The following ZNF385D variants were observed in gnomAD, a reference collection of about 807,000 sequenced individuals.
ZNF385D encodes zinc finger protein 659.
Under a neutral mutation model 35.8 loss-of-function variants are expected in ZNF385D, and 15 were observed. That is an observed-to-expected ratio of 0.42 (90% CI 0.28 to 0.64). ZNF385D has a LOEUF of 0.64. Among genes scored for constraint, ZNF385D ranks in the 30% least tolerant of loss-of-function variants. The pLI is 0.23. For missense variants in ZNF385D, 474 were observed against 494.6 expected, an observed-to-expected ratio of 0.96 and a Z score of 0.39; for synonymous variants, 212 against 186.8, an observed-to-expected ratio of 1.13 and a Z score of -1.10.
chr3:22,303,196 C>G lies in ZNF385D; in HGVS notation c.106+69254G>C, dbSNP rs78687974. 0.014 allele frequency among the ~76,000 whole-genome samples: 2,127 copies of G among 152,256 alleles called. 88 individuals carry two copies. In the East Asian group the frequency reaches 0.18, roughly 13 times the overall value. The stretch of plus-strand genomic sequence containing the variant: ...AGAATGAAGACAAAATATCCAGCCT[C>G]TCTTGCAGCTACATGTATTGTGTGT... On this transcript the variant is annotated intron_variant, in intron 2 of 5. Transcript: ENST00000494108.
At chr3:21,684,603 G>T (rs1461385017) in intron 1 of ZNF385D, among the ~76,000 whole-genome samples, 1 of 151,862 alleles carries the variant, frequency 6.6e-6, no homozygotes, top group African/African-American at 2.4e-5. Flanking sequence ...TAATTTTAAA[G>T]CATTACATTT....
At chr3:21,681,576 A>C (rs2066909297) in intron 1 of ZNF385D, among the ~76,000 whole-genome samples, 2 of 151,894 alleles carry the variant, frequency 1.3e-5, no homozygotes, top group Admixed American at 6.6e-5. Context: ...TATACATCAC[A>C]GTTAAAGTGG....
chr3:21,963,489 G>T (rs1229744005), intron 3 of ZNF385D, among the ~76,000 whole-genome samples: 1 of 152,126 alleles, frequency 6.6e-6, no homozygotes, highest in Non-Finnish European at 1.5e-5. Flanking sequence ...TATTGCCTAA[G>T]ATTCTGAACA....
chr3:22,258,911 T>C (rs1700462546), intron 2 of ZNF385D, among the ~76,000 whole-genome samples: 1 of 151,864 alleles, frequency 6.6e-6, no homozygotes, highest in South Asian at 2.1e-4. Context: ...TTGAAGTTTA[T>C]GGAGAAAAAA....
At position 22,266,409 on chromosome 3, in the gene ZNF385D, C is replaced by G. The variant is rs372917691; in HGVS notation, c.107-97374G>C. 6.6e-5 allele frequency among the ~76,000 whole-genome samples: 10 copies of G among 151,982 alleles called. No homozygotes were observed. In the East Asian group the frequency reaches 1.8e-3, roughly 27 times the overall value. ...TTAAAAACTAGAGCTCAAGTAAAAC[C>G]AGCGGGTAAGAAGAGGTGTAGGGAT... On this transcript the variant is annotated intron_variant, in intron 2 of 5. Coordinates refer to the ZNF385D transcript ENST00000494108.
chr3:22,001,472 A>G (rs1027274321), intron 3 of ZNF385D, among the ~76,000 whole-genome samples: 1 of 152,180 alleles, frequency 6.6e-6, no homozygotes, highest in African/African-American at 2.4e-5. Flanking sequence ...ATACCAAAGC[A>G]GCCAGATATA....
intron 2 of ZNF385D, among the ~76,000 whole-genome samples, chr3:22,321,275 A>G (rs1038688261): frequency 3.4e-5 from 5 of 147,668 alleles, no homozygotes; most frequent in Non-Finnish European, 7.4e-5. Context: ...TGTAAAACAT[A>G]TTTTGTATAA....
At chr3:21,945,174 AGT>A (rs1367645123) in intron 3 of ZNF385D, among the ~76,000 whole-genome samples, 2 of 150,370 alleles carry the variant, frequency 1.3e-5, no homozygotes, top group Admixed American at 6.7e-5. Context: ...ATATATATAT[AGT>A]GAGAGAGAGA....
At chr3:22,249,343 A>C (rs1308438676) in intron 2 of ZNF385D, among the ~76,000 whole-genome samples, 1 of 152,170 alleles carries the variant, frequency 6.6e-6, no homozygotes, top group Non-Finnish European at 1.5e-5. Flanking sequence ...CATAGTAGGC[A>C]CTTAGTAACA....
At chr3:21,951,655 T>C (rs1056817401) in intron 3 of ZNF385D, among the ~76,000 whole-genome samples, 1 of 151,690 alleles carries the variant, frequency 6.6e-6, no homozygotes, top group Non-Finnish European at 1.5e-5. Flanking sequence ...TCCATGACAA[T>C]GCTTTGCTTC....
At chr3:22,003,928 C>A (rs796079686) in intron 3 of ZNF385D, among the ~76,000 whole-genome samples, 79 of 148,124 alleles carry the variant, frequency 5.3e-4, no homozygotes, top group African/African-American at 1.8e-3. Context: ...ACAAAAGACC[C>A]CAAATAGTCA....
chr3:22,216,520 C>A (rs2035853), intron 2 of ZNF385D, among the ~76,000 whole-genome samples: 113,087 of 151,936 alleles, frequency 0.74, 43,191 homozygotes, highest in East Asian at 0.91. Context: ...TTTCAAGTAA[C>A]AGAAAATCTT....
intron 3 of ZNF385D, among the ~76,000 whole-genome samples, chr3:22,145,268 A>G (rs78660675): frequency 6.6e-6 from 1 of 152,226 alleles, no homozygotes; most frequent in African/African-American, 2.4e-5. Flanking sequence ...CATTAATGGC[A>G]AAAACCACAA....
chr3:22,024,004 T>C (rs752761569), intron 3 of ZNF385D, among the ~76,000 whole-genome samples: 28 of 152,290 alleles, frequency 1.8e-4, no homozygotes, highest in Non-Finnish European at 2.6e-4. Context: ...TGTGAGGATG[T>C]TGCCAAAGGA....
At chr3:21,776,658 T>C (rs545689814) in intron 3 of ZNF385D, among the ~76,000 whole-genome samples, 1 of 152,126 alleles carries the variant, frequency 6.6e-6, no homozygotes, top group Non-Finnish European at 1.5e-5. Flanking sequence ...AAATAAACTT[T>C]ATATGAGATT....
intron 4 of ZNF385D, among the ~76,000 whole-genome samples, chr3:21,467,331 C>T (rs151277): frequency 0.28 from 41,833 of 151,960 alleles, 6,170 homozygotes; most frequent in South Asian, 0.33. Context: ...ATTTTAGATA[C>T]GGGGCTTCTT....
In ZNF385D at chr3:21,790,292, G is replaced by A. The variant is rs76248720; in HGVS notation, c.326-125264C>T. Among the ~76,000 whole-genome samples, 785 of 152,082 alleles carry A rather than the reference G, an allele frequency of 5.2e-3. 6 individuals carry two copies. The highest frequency in any genetic ancestry group is 0.017 in the African/African-American group (705 of 41,484). ...AGTGGCTCATAAAGATACATTAGATGCCAATTCTCATCATACTCCTGCTAA... is the reference window on the plus strand; with the variant it reads ...AGTGGCTCATAAAGATACATTAGATACCAATTCTCATCATACTCCTGCTAA... On this transcript the variant is annotated intron_variant, in intron 3 of 5. Coordinates refer to the ZNF385D transcript ENST00000494108.
Position 22,256,347 on chromosome 3 carries a change from GACT to G in ZNF385D, c.107-87315_107-87313del, listed in dbSNP as rs145457383. 3.4e-3 allele frequency among the ~76,000 whole-genome samples: 516 copies of G among 151,390 alleles called. 3 individuals are homozygous for G. The highest frequency in any genetic ancestry group is 0.011 in the African/African-American group (469 of 41,356). Reference sequence around the variant, plus strand: ...AAGAAAGGTCTCCCCAAAATATTATGACTACTTTTTATGCTCTGTCATTCATAT... The same window carrying G: ...AAGAAAGGTCTCCCCAAAATATTATGACTTTTTATGCTCTGTCATTCATAT... On this transcript the variant is annotated intron_variant, in intron 2 of 5. Transcript: ENST00000494108.
chr3:22,080,729 G>C (rs1576283155), intron 3 of ZNF385D, among the ~76,000 whole-genome samples: 1 of 151,962 alleles, frequency 6.6e-6, no homozygotes, highest in East Asian at 1.9e-4. Flanking sequence ...CAAGATGATA[G>C]TATTAAAAGG....
Sources: gnomAD v4.1 joint callset for allele counts (sites outside exome capture counted in the v4.1 genomes callset) on GRCh38, gnomAD v4.1.1 for gene constraint, MANE v1.5 for transcripts, NCBI Gene and HGNC (gene_info 2026-07-23, HGNC 2026-07-21) for gene names.